PSEN1: variants seen among roughly 807,000 people sequenced by gnomAD.
PSEN1 encodes presenilin 1.
A neutral mutation model predicts 53.5 loss-of-function variants in PSEN1; 15 were observed. The ratio of observed to expected loss-of-function variants is 0.28; its 90% CI spans 0.19 to 0.43. The LOEUF is 0.43. Among genes scored for constraint, PSEN1 ranks in the 20% least tolerant of loss-of-function variants. PSEN1 has a pLI of 1.00. For missense variants in PSEN1, 387 were observed against 571.2 expected (o/e 0.68, Z 3.29); for synonymous variants, 208 against 209.8 (o/e 0.99, Z 0.08).
intron 5 of PSEN1, among the ~76,000 whole-genome samples, chr14:73,179,762 G>GA (rs1298981867): frequency 2.5e-4 from 38 of 152,156 alleles, no homozygotes; most frequent in Non-Finnish European, 4.4e-4. Flanking sequence ...ACAGGTGGAG[G>GA]AAAAAAAGTG....
At chr14:73,137,034 A>C (rs1047100412) in intron 1 of PSEN1, 2 of 154,130 alleles carry the variant, frequency 1.3e-5, no homozygotes, top group Non-Finnish European at 2.9e-5. Flanking sequence ...TTCGAGGCGG[A>C]AGACGGGGTC....
chr14:73,164,141 T>C (rs1897637865), intron 3 of PSEN1, among the ~76,000 whole-genome samples: 1 of 152,146 alleles, frequency 6.6e-6, no homozygotes, highest in South Asian at 2.1e-4. Context: ...TAGACAGAGG[T>C]ACTAAGGAAA....
chr14:73,155,447 C>T (rs1227852907), intron 3 of PSEN1, among the ~76,000 whole-genome samples: 3 of 151,978 alleles, frequency 2.0e-5, no homozygotes, highest in Non-Finnish European at 4.4e-5. Context: ...ATCAAAATTG[C>T]CATATTTAAG....
chr14:73,143,210 G>C (rs1264867893), intron 1 of PSEN1, among the ~76,000 whole-genome samples: 1 of 152,182 alleles, frequency 6.6e-6, no homozygotes, highest in Non-Finnish European at 1.5e-5. Context: ...AGTAGCGCTT[G>C]TTTGTTCACC....
intron 3 of PSEN1, among the ~76,000 whole-genome samples, chr14:73,151,494 G>A (rs1897222620): frequency 6.6e-6 from 1 of 152,074 alleles, no homozygotes; most frequent in South Asian, 2.1e-4. Context: ...AGAAAAGCAT[G>A]GGTGATCTTG....
intron 8 of PSEN1, among the ~76,000 whole-genome samples, chr14:73,203,686 A>G (rs1594748150): frequency 6.6e-6 from 1 of 152,348 alleles, no homozygotes; most frequent in South Asian, 2.1e-4. Flanking sequence ...GTCGTTTGAC[A>G]GAAAAAATAT....
At chr14:73,204,100 G>T (rs2140120268) in intron 8 of PSEN1, among the ~76,000 whole-genome samples, 1 of 152,282 alleles carries the variant, frequency 6.6e-6, no homozygotes, top group South Asian at 2.1e-4. Context: ...CTGGATTCAA[G>T]CAATTCTCCT....
At position 73,219,443 on chromosome 14, in the gene PSEN1, C is replaced by A; in HGVS notation, c.*154C>A. The stretch of plus-strand genomic sequence containing the variant: ...CTTCCAAGTCTTCCTGACCACCTTG[C>A]ACTATTGGACTTTGGAAGGAGGTGC... On this transcript the variant is annotated 3_prime_UTR_variant, in exon 12 of 12. Coordinates refer to ENST00000324501, the MANE Select transcript of PSEN1 (RefSeq NM_000021.4). 1 of 833,620 alleles carries A rather than the reference C, an allele frequency of 1.2e-6. No homozygotes were observed. The highest frequency in any genetic ancestry group is 1.4e-5 in the South Asian group (1 of 69,648). The allele number at this position is 833,620 out of a possible 1,614,324, so 51.6% of individuals were successfully genotyped here. A position where few individuals can be genotyped will look rare whatever the true frequency, so the allele number is the denominator to read the frequency against.
chr14:73,216,200 T>C (rs185341371), intron 10 of PSEN1, among the ~76,000 whole-genome samples: 1 of 152,324 alleles, frequency 6.6e-6, no homozygotes, highest in Non-Finnish European at 1.5e-5. Flanking sequence ...ATGTATTGTA[T>C]GAGTCATATG....
At chr14:73,195,087 A>G (rs905831228) in intron 7 of PSEN1, among the ~76,000 whole-genome samples, 4 of 152,226 alleles carry the variant, frequency 2.6e-5, no homozygotes, top group African/African-American at 9.6e-5. Context: ...ATGGTTTGCA[A>G]AGTAACCATC....
intron 8 of PSEN1, among the ~76,000 whole-genome samples, chr14:73,202,417 A>AATAT (rs1566648023): frequency 1.7e-5 from 1 of 60,516 alleles, no homozygotes; most frequent in African/African-American, 6.7e-5. Context: ...TCTATCACAT[A>AATAT]CTATATATAT....
intron 7 of PSEN1, 97 bp downstream of exon 7, chr14:73,192,961 C>T (rs959930735): frequency 1.1e-4 from 102 of 929,318 alleles, no homozygotes; most frequent in Middle Eastern, 2.1e-4. Context: ...AAAATGGTAA[C>T]GTGTACATCC....
At chr14:73,157,475 G>GT (rs2140000796) in intron 3 of PSEN1, among the ~76,000 whole-genome samples, 1 of 152,142 alleles carries the variant, frequency 6.6e-6, no homozygotes, top group East Asian at 1.9e-4. Flanking sequence ...CTTTATTGTG[G>GT]TATAATTGAC....
chr14:73,210,777 A>C (rs956288423), intron 9 of PSEN1, among the ~76,000 whole-genome samples: 1 of 152,240 alleles, frequency 6.6e-6, no homozygotes, highest in East Asian at 1.9e-4. Flanking sequence ...CCTGAAGCTT[A>C]CAAGCTTTAC....
At chr14:73,148,456 T>C (rs950853567) in intron 3 of PSEN1, among the ~76,000 whole-genome samples, 1 of 152,194 alleles carries the variant, frequency 6.6e-6, no homozygotes, top group Non-Finnish European at 1.5e-5. Flanking sequence ...TAACAGTTCC[T>C]TTTAGTGCTC....
At chr14:73,211,661 A>T in intron 9 of PSEN1, 108 bp from the exon 10 acceptor site, 1 of 1,213,204 alleles carries the variant, frequency 8.2e-7, no homozygotes, top group Non-Finnish European at 1.2e-6. Flanking sequence ...TTTGTGGTTT[A>T]AGGGCCAGCT....
At chr14:73,204,537 A>G (rs1478946982) in intron 8 of PSEN1, among the ~76,000 whole-genome samples, 7 of 151,894 alleles carry the variant, frequency 4.6e-5, no homozygotes, top group African/African-American at 1.7e-4. Flanking sequence ...TTAAAAAAAA[A>G]AAAAAAGAAC....
chr14:73,184,972 G>A (rs1185785054), intron 5 of PSEN1, among the ~76,000 whole-genome samples: 1 of 150,672 alleles, frequency 6.6e-6, no homozygotes, highest in Non-Finnish European at 1.5e-5. Context: ...CAGACGGGGC[G>A]GCGGGGCAGA....
At chr14:73,215,187 C>G (rs1006616214) in intron 10 of PSEN1, among the ~76,000 whole-genome samples, 2 of 151,886 alleles carry the variant, frequency 1.3e-5, no homozygotes, top group Non-Finnish European at 2.9e-5. Context: ...TCTTGAACTC[C>G]TGACCTCAAG....
Sources: allele counts gnomAD v4.1 joint callset (sites outside exome capture counted in the v4.1 genomes callset), GRCh38; gene constraint gnomAD v4.1.1; transcripts MANE v1.5; gene names NCBI Gene and HGNC (gene_info 2026-07-23, HGNC 2026-07-21).